Variants in KATNIP observed in about 807,000 individuals in gnomAD.
KATNIP encodes the protein katanin-interacting protein.
KATNIP carries 126 observed loss-of-function variants against 174.0 expected under a neutral mutation model. The ratio of observed to expected loss-of-function variants is 0.72; its 90% CI spans 0.63 to 0.84. The LOEUF is 0.84. Among genes scored for constraint, KATNIP ranks in the 40% least tolerant of loss-of-function variants. The pLI, the probability that KATNIP is intolerant of heterozygous loss-of-function variation, is 0.00. For missense variants in KATNIP, 1,958 were observed against 2,109.7 expected (o/e 0.93, Z 1.41); for synonymous variants, 810 against 835.7 (o/e 0.97, Z 0.53).
chr16:27,611,508 C>A (rs928965909), intron 2 of KATNIP, among the ~76,000 whole-genome samples: 2 of 152,196 alleles, frequency 1.3e-5, no homozygotes, highest in Non-Finnish European at 2.9e-5. Context: ...AGCTGGACAG[C>A]GGTGAAGCCA....
intron 6 of KATNIP, among the ~76,000 whole-genome samples, chr16:27,666,348 T>C (rs1161503746): frequency 6.6e-6 from 1 of 152,216 alleles, no homozygotes; most frequent in Non-Finnish European, 1.5e-5. Context: ...ATAATTCAAA[T>C]TTTCCTAGCC....
At chr16:27,771,188 G>A (rs2082285965) in intron 21 of KATNIP, among the ~76,000 whole-genome samples, 1 of 152,206 alleles carries the variant, frequency 6.6e-6, no homozygotes, top group South Asian at 2.1e-4. Flanking sequence ...AAAGGGGGCA[G>A]TGGTACCAGG....
intron 2 of KATNIP, among the ~76,000 whole-genome samples, chr16:27,613,778 A>G (rs1293894479): frequency 1.3e-5 from 2 of 152,160 alleles, no homozygotes; most frequent in Non-Finnish European, 2.9e-5. Context: ...CTCTCCTGAA[A>G]TCCAGCTCTC....
intron 5 of KATNIP, among the ~76,000 whole-genome samples, chr16:27,647,937 T>C (rs1482347938): frequency 2.0e-5 from 3 of 152,016 alleles, no homozygotes; most frequent in East Asian, 1.9e-4. Context: ...AGGTGTGAGC[T>C]ACCACGCCTT....
At position 27,593,331 on chromosome 16, in the gene KATNIP, C is replaced by G. The variant is rs553535676; in HGVS notation, c.63+19375C>G. Among the ~76,000 whole-genome samples the G allele has an allele frequency of 2.7e-5, 4 of 150,218 alleles. No individual in the cohort carries two copies. The Admixed American group carries it at 2.7e-4, about 10-fold the overall frequency. ...TCAGCTCACTGCAACCTCCACCTCCCGGGTTCAAGCAACTCTTCTGCTTCA... is the reference window on the plus strand; with the variant it reads ...TCAGCTCACTGCAACCTCCACCTCCGGGGTTCAAGCAACTCTTCTGCTTCA... On this transcript the variant is annotated intron_variant, in intron 2 of 27. Coordinates refer to ENST00000261588, the MANE Select transcript of KATNIP (RefSeq NM_015202.5).
At chr16:27,771,520 G>T (rs371519957) in intron 21 of KATNIP, 68 bp from the exon 22 acceptor site, 3 of 1,466,972 alleles carry the variant, frequency 2.0e-6, no homozygotes, top group Non-Finnish European at 9.5e-7. Context: ...CTGTTACCTA[G>T]GGGGTAACTG....
At chr16:27,580,393 G>T (rs2090652048) in intron 2 of KATNIP, among the ~76,000 whole-genome samples, 1 of 152,322 alleles carries the variant, frequency 6.6e-6, no homozygotes. Flanking sequence ...GATTATAGGC[G>T]TGAGCCACCT....
rs963797141 is a variant in KATNIP at position 27,715,749 on chromosome 16, C to T, written c.1606-5809C>T. On this transcript the variant is annotated intron_variant, in intron 13 of 27. Coordinates refer to ENST00000261588, the MANE Select transcript of KATNIP (RefSeq NM_015202.5). The stretch of plus-strand genomic sequence containing the variant: ...AAAACCGCAATGAGATATCACTTCA[C>T]ACCCACTAGGACAGCTGTAATTTTA... Among the ~76,000 whole-genome samples, 61 of 152,158 alleles carry T rather than the reference C, an allele frequency of 4.0e-4. 1 individual carries two copies. The highest frequency in any genetic ancestry group is 2.1e-3 in the Admixed American group (32 of 15,272).
chr16:27,680,643 C>G (rs1443345919), intron 7 of KATNIP, among the ~76,000 whole-genome samples: 1 of 152,108 alleles, frequency 6.6e-6, no homozygotes, highest in Non-Finnish European at 1.5e-5. Flanking sequence ...CTGCCACAGC[C>G]TCCAGAGTAG....
At chr16:27,610,159 G>C (rs960810476) in intron 2 of KATNIP, among the ~76,000 whole-genome samples, 6 of 152,130 alleles carry the variant, frequency 3.9e-5, no homozygotes, top group Non-Finnish European at 1.5e-5. Context: ...GCAGAAGAGT[G>C]ACATGATTCC....
intron 5 of KATNIP, among the ~76,000 whole-genome samples, chr16:27,645,368 C>T (rs1475003885): frequency 6.6e-6 from 1 of 152,168 alleles, no homozygotes; most frequent in African/African-American, 2.4e-5. Context: ...AGATGACTTG[C>T]TCAAGGTCAC....
At chr16:27,591,809 C>T (rs1433276491) in intron 2 of KATNIP, among the ~76,000 whole-genome samples, 1 of 152,160 alleles carries the variant, frequency 6.6e-6, no homozygotes, top group Non-Finnish European at 1.5e-5. Context: ...TCATACTGAG[C>T]ACATCAGCTA....
intron 4 of KATNIP, among the ~76,000 whole-genome samples, chr16:27,630,158 G>A (rs1209947911): frequency 6.6e-6 from 1 of 152,208 alleles, no homozygotes; most frequent in African/African-American, 2.4e-5. Flanking sequence ...AGAAGATCTG[G>A]AATGAGGCAG....
At chr16:27,610,694 C>G (rs1363722420) in intron 2 of KATNIP, among the ~76,000 whole-genome samples, 1 of 152,120 alleles carries the variant, frequency 6.6e-6, no homozygotes, top group African/African-American at 2.4e-5. Flanking sequence ...CAACAACCAG[C>G]AGTTGATTAC....
intron 15 of KATNIP, among the ~76,000 whole-genome samples, chr16:27,745,508 C>A (rs780217306): frequency 6.6e-6 from 1 of 152,246 alleles, no homozygotes; most frequent in Non-Finnish European, 1.5e-5. Context: ...GCCAATTGGT[C>A]TACTTGGGTC....
At position 27,632,692 on chromosome 16, in the gene KATNIP, C is replaced by G. The variant is rs1362648520; in HGVS notation, c.408+1530C>G. The G allele has an allele frequency of 6.7e-6, 3 of 450,344 alleles. No homozygotes were observed. The East Asian group carries it at 2.1e-4, about 32-fold the overall frequency. The allele number at this position is 450,344 out of a possible 1,614,324, so 27.9% of individuals were successfully genotyped here. On this transcript the variant is annotated intron_variant, in intron 5 of 27. Coordinates refer to ENST00000261588, the MANE Select transcript of KATNIP (RefSeq NM_015202.5). ...CAGCAGGCAGGCTGGTTGGGAGGGG[C>G]AGCAGGCTGTTGGTTGATACCAGTG...
intron 6 of KATNIP, among the ~76,000 whole-genome samples, chr16:27,662,454 A>G (rs1597099273): frequency 6.6e-6 from 1 of 152,116 alleles, no homozygotes; most frequent in East Asian, 1.9e-4. Context: ...GACAGCTCAG[A>G]CCAAAAGACG....
intron 14 of KATNIP, among the ~76,000 whole-genome samples, chr16:27,723,960 G>A (rs757088486): frequency 1.3e-5 from 2 of 152,212 alleles, no homozygotes; most frequent in Admixed American, 6.5e-5. Flanking sequence ...AGGCAGCCCC[G>A]GCCAGCTGTG....
At chr16:27,613,061 C>A (rs1409368104) in intron 2 of KATNIP, among the ~76,000 whole-genome samples, 1 of 152,026 alleles carries the variant, frequency 6.6e-6, no homozygotes, top group Non-Finnish European at 1.5e-5. Context: ...GAGTCCGAGA[C>A]CAGCCCGGGC....
Sources: gnomAD v4.1 joint callset for allele counts (sites outside exome capture counted in the v4.1 genomes callset) on GRCh38, gnomAD v4.1.1 for gene constraint, MANE v1.5 for transcripts, NCBI Gene and HGNC (gene_info 2026-07-23, HGNC 2026-07-21) for gene names.